CCDC191: variants seen among roughly 807,000 people sequenced by gnomAD.
CCDC191 encodes the protein coiled-coil domain containing 191.
A neutral mutation model predicts 114.0 loss-of-function variants in CCDC191; 99 were observed. The ratio of observed to expected loss-of-function variants is 0.87; its 90% confidence interval spans 0.74 to 1.03. CCDC191 has a LOEUF of 1.03. Ranked by LOEUF, CCDC191 falls within the 50% of genes least tolerant of loss-of-function variation. The pLI is 0.00. For missense variants in CCDC191, 973 were observed against 1,087.0 expected (o/e 0.90, Z 1.47); for synonymous variants, 351 against 376.0 (o/e 0.93, Z 0.77).
At chr3:114,050,206 G>GC (rs1469879337) in intron 2 of CCDC191, among the ~76,000 whole-genome samples, 1 of 152,218 alleles carries the variant, frequency 6.6e-6, no homozygotes, top group African/African-American at 2.4e-5. Context: ...GTGTCCCACA[G>GC]CAGACATCAA....
intron 3 of CCDC191, among the ~76,000 whole-genome samples, chr3:114,043,506 A>G (rs998856054): frequency 6.6e-6 from 1 of 152,172 alleles, no homozygotes; most frequent in Non-Finnish European, 1.5e-5. Context: ...AACATTTGCA[A>G]TTCACAGGAC....
chr3:114,029,207 T>G (rs1156771131), intron 7 of CCDC191, among the ~76,000 whole-genome samples: 1 of 151,948 alleles, frequency 6.6e-6, no homozygotes, highest in Admixed American at 6.6e-5. Context: ...GTGTCCAAAA[T>G]AGGATGGAAG....
At position 114,031,722 on chromosome 3, in the gene CCDC191, T is replaced by G. The variant is rs1275272612; in HGVS notation, c.876A>C (p.Gln292His). ...CCTCATCTGGAAGAATGTGAGTACT[T>G]TGAAACATGACTTTTTCTGAACTAT... ...SQNSSEKVMF[Q>H]STHILPDEEK... is the part of the protein sequence containing the mutation. The change falls in exon 7 of 17, where the codon CAA becomes CAC. Residue 292 changes from glutamine (Q) to histidine (H), a missense_variant. Coordinates refer to ENST00000295878, the MANE Select transcript of CCDC191 (RefSeq NM_020817.2). 1 of 1,552,762 alleles carries G rather than the reference T, an allele frequency of 6.4e-7. No individual in the cohort carries two copies. The highest frequency in any genetic ancestry group is 1.4e-5 in the African/African-American group (1 of 73,784).
intron 16 of CCDC191, among the ~76,000 whole-genome samples, chr3:113,968,778 AT>A (rs143593615): frequency 1.8e-4 from 27 of 150,726 alleles, no homozygotes; most frequent in Admixed American, 3.3e-4. Flanking sequence ...TTTAAATTGG[AT>A]TTTTTTTTGC....
At chr3:113,986,964 A>C (rs763156161) in intron 13 of CCDC191, among the ~76,000 whole-genome samples, 2 of 152,176 alleles carry the variant, frequency 1.3e-5, no homozygotes, top group African/African-American at 2.4e-5. Flanking sequence ...AACTGTGAGA[A>C]AACAAATTTC....
intron 7 of CCDC191, among the ~76,000 whole-genome samples, chr3:114,023,402 A>C (rs1436001535): frequency 6.6e-6 from 1 of 152,248 alleles, no homozygotes. Context: ...TGCCAAGTCA[A>C]TCCTAAGCCA....
intron 1 of CCDC191, among the ~76,000 whole-genome samples, chr3:114,054,664 CAACAACAAA>C (rs1255704977): frequency 6.6e-6 from 1 of 151,854 alleles, no homozygotes; most frequent in Non-Finnish European, 1.5e-5. Context: ...CAAACAACAA[CAACAACAAA>C]AACTGGGGAA....
At chr3:114,022,339 T>C (rs991354652) in intron 7 of CCDC191, among the ~76,000 whole-genome samples, 8 of 152,194 alleles carry the variant, frequency 5.3e-5, no homozygotes, top group South Asian at 2.1e-4. Context: ...CTAATCTTCA[T>C]TGTAATTCTA....
Position 113,978,858 on chromosome 3 carries a change from C to G in CCDC191, c.2460G>C (p.Gln820His). 2 of 1,613,722 alleles carry G rather than the reference C, an allele frequency of 1.2e-6. No individual in the cohort carries two copies. Among genetic ancestry groups the G allele is most frequent in the Non-Finnish European group, 1.7e-6 (2 of 1,179,790 alleles). ...AAGGTACCCTTCCCTATGTCCTTACCTGTAGCCAGCTCTGGATGACTCTCT... is the reference window on the plus strand; with the variant it reads ...AAGGTACCCTTCCCTATGTCCTTACGTGTAGCCAGCTCTGGATGACTCTCT... ...LLKRVIQSWL[Q>H]YVIDLQEEVR... Residue 820 changes from glutamine (Q) to histidine (H), a missense_variant and splice_region_variant, in exon 15 of 17, where the codon CAG becomes CAC. Transcript: ENST00000295878.
At chr3:113,989,439 G>A (rs2075482374) in intron 13 of CCDC191, among the ~76,000 whole-genome samples, 1 of 152,118 alleles carries the variant, frequency 6.6e-6, no homozygotes, top group Admixed American at 6.5e-5. Context: ...ACAATTTCAT[G>A]CAATGTACAT....
At chr3:114,002,583 A>G in intron 11 of CCDC191, 45 bp from the exon 12 acceptor site, 1 of 1,466,878 alleles carries the variant, frequency 6.8e-7, no homozygotes, top group Non-Finnish European at 9.3e-7. Context: ...TATTGAAAAA[A>G]TATGAGGAAT....
At chr3:113,966,763 A>C (rs1225641417) in intron 16 of CCDC191, among the ~76,000 whole-genome samples, 1 of 152,074 alleles carries the variant, frequency 6.6e-6, no homozygotes, top group Non-Finnish European at 1.5e-5. Flanking sequence ...GTTGGTTAAT[A>C]TTTTTGATAA....
chr3:113,970,858 G>A (rs1459873159), intron 16 of CCDC191, among the ~76,000 whole-genome samples: 1 of 152,052 alleles, frequency 6.6e-6, no homozygotes, highest in Non-Finnish European at 1.5e-5. Context: ...GAGAATGACG[G>A]TTTCCAGCTT....
intron 13 of CCDC191, among the ~76,000 whole-genome samples, chr3:113,982,110 T>C (rs565347813): frequency 6.6e-6 from 1 of 152,320 alleles, no homozygotes; most frequent in East Asian, 1.9e-4. Context: ...ACAAAAGAAC[T>C]TGTTCCCATG....
chr3:113,968,128 CCTTT>C (rs1212367834), intron 16 of CCDC191, among the ~76,000 whole-genome samples: 19 of 152,094 alleles, frequency 1.2e-4, no homozygotes, highest in African/African-American at 4.3e-4. Context: ...GTATTGATTT[CCTTT>C]CTTTTGGAGA....
intron 13 of CCDC191, among the ~76,000 whole-genome samples, chr3:113,988,149 AAAAC>A (rs200222354): frequency 0.017 from 2,605 of 152,156 alleles, 32 homozygotes; most frequent in Non-Finnish European, 0.024. Flanking sequence ...GGAAAAAAGA[AAAAC>A]AAAGAATAAG....
intron 8 of CCDC191, 58 bp from the exon 9 acceptor site, chr3:114,011,079 T>C (rs1460920033): frequency 1.3e-6 from 2 of 1,530,980 alleles, no homozygotes; most frequent in Admixed American, 2.0e-5. Context: ...TGTTAATTGA[T>C]AATATAAATG....
chr3:114,025,889 C>T (rs1352551360), intron 7 of CCDC191, among the ~76,000 whole-genome samples: 2 of 152,122 alleles, frequency 1.3e-5, no homozygotes, highest in Non-Finnish European at 2.9e-5. Flanking sequence ...CAGACAAATG[C>T]TTGATTCACC....
At chr3:113,988,409 C>T (rs1353982574) in intron 13 of CCDC191, among the ~76,000 whole-genome samples, 4 of 151,792 alleles carry the variant, frequency 2.6e-5, no homozygotes, top group Non-Finnish European at 5.9e-5. Flanking sequence ...GGTGGATCAC[C>T]TGAGGTCAGG....
Sources: allele counts gnomAD v4.1 joint callset (sites outside exome capture counted in the v4.1 genomes callset), GRCh38; gene constraint gnomAD v4.1.1; transcripts MANE v1.5; gene names NCBI Gene and HGNC (gene_info 2026-07-23, HGNC 2026-07-21).